ACO2: variants seen among roughly 807,000 people sequenced by gnomAD.
The protein encoded by ACO2 is aconitase 2.
ACO2 carries 31 observed loss-of-function variants against 84.5 expected under a neutral mutation model. That is an observed-to-expected ratio of 0.37 (90% CI 0.28 to 0.50). The LOEUF is 0.50. ACO2 is among the 20% of genes least tolerant of loss of function. The pLI is 0.97. For synonymous variants in ACO2, 414 were observed against 412.7 expected (o/e 1.00, Z -0.04); for missense variants, 685 against 1,029.3 (o/e 0.67, Z 4.58).
At chr22:41,475,696 C>T (rs1201060271) in intron 1 of ACO2, among the ~76,000 whole-genome samples, 1 of 151,498 alleles carries the variant, frequency 6.6e-6, no homozygotes, top group African/African-American at 2.4e-5. Context: ...AGTTCGAGAC[C>T]AGCCTGGCCA....
chr22:41,473,255 A>G (rs1005938449), intron 1 of ACO2, among the ~76,000 whole-genome samples: 1 of 152,230 alleles, frequency 6.6e-6, no homozygotes, highest in Admixed American at 6.5e-5. Context: ...CTGTAATTCC[A>G]GCACATTGGG....
At position 41,522,026 on chromosome 22, in the gene ACO2, G is replaced by T. The variant is rs191267111; in HGVS notation, c.1139-804G>T. Reference sequence around the variant, plus strand: ...GACCTCAAGTGATCTGCCTGCCTCGGCCTCTCAAAGTTGTGGGATTACAGG... The same window carrying T: ...GACCTCAAGTGATCTGCCTGCCTCGTCCTCTCAAAGTTGTGGGATTACAGG... On this transcript the variant is annotated intron_variant, in intron 9 of 17. Transcript: ENST00000216254. Among the ~76,000 whole-genome samples, 1,198 of 152,294 alleles carry T rather than the reference G, an allele frequency of 7.9e-3. 7 individuals are homozygous for T. Among genetic ancestry groups the T allele is most frequent in the Middle Eastern group, 0.024 (7 of 294 alleles).
At chr22:41,522,240 G>A (rs1007771618) in intron 9 of ACO2, among the ~76,000 whole-genome samples, 1 of 152,198 alleles carries the variant, frequency 6.6e-6, no homozygotes, top group African/African-American at 2.4e-5. Flanking sequence ...AGTTGAGGCA[G>A]GAGGAGTTGC....
At chr22:41,486,953 G>A (rs1313527524) in intron 1 of ACO2, among the ~76,000 whole-genome samples, 2 of 150,696 alleles carry the variant, frequency 1.3e-5, no homozygotes, top group Non-Finnish European at 3.0e-5. Context: ...GCGCCATCTC[G>A]GCTCACTGTA....
rs1011845712 is a variant in ACO2 at position 41,502,623 on chromosome 22, GTT to G, written c.173+2764_173+2765del. 6.6e-5 allele frequency among the ~76,000 whole-genome samples: 10 copies of G among 152,250 alleles called. No individual in the cohort carries two copies. The South Asian group carries it at 1.0e-3, about 16-fold the overall frequency. On this transcript the variant is annotated intron_variant, in intron 2 of 17. Transcript: ENST00000216254. ...TTTGTTGTTGTTTGTGTTTGTTTCTGTTTTAGACTGAGCCTCACTCTGTCACC... is the reference window on the plus strand; with the variant it reads ...TTTGTTGTTGTTTGTGTTTGTTTCTGTTAGACTGAGCCTCACTCTGTCACC...
Position 41,515,586 on chromosome 22 carries a change from T to A in ACO2, c.684+51T>A. On this transcript the variant is annotated intron_variant, in intron 5 of 17. Coordinates refer to ENST00000216254, the MANE Select transcript of ACO2 (RefSeq NM_001098.3). This position sits in a 1 kb window ranked among gnomAD's most constrained non-coding sequence, Gnocchi z 5.8. ...GGGCTGGCTGTGGGGTGGTGGTTGGTGGGGATGAACGGGAGACGGTGGGAC... is the reference window on the plus strand; with the variant it reads ...GGGCTGGCTGTGGGGTGGTGGTTGGAGGGGATGAACGGGAGACGGTGGGAC... 1 of 1,582,090 alleles carries A rather than the reference T, an allele frequency of 6.3e-7. No homozygotes were observed. Among genetic ancestry groups the A allele is most frequent in the Non-Finnish European group, 8.6e-7 (1 of 1,162,844 alleles).
chr22:41,526,794 C>T, intron 15 of ACO2: 1 of 334,968 alleles, frequency 3.0e-6, no homozygotes, highest in Non-Finnish European at 5.5e-6. Flanking sequence ...AGTGAGCAGG[C>T]AGAGAGGGTC....
Position 41,495,129 on chromosome 22 carries a change from T to A in ACO2, c.37-4597T>A, listed in dbSNP as rs529372163. ...GCAGTCTGGAACTCATGGGCTCAAGTGACCCTCCTGCCTCAGCCTCTTGAG... is the reference window on the plus strand; with the variant it reads ...GCAGTCTGGAACTCATGGGCTCAAGAGACCCTCCTGCCTCAGCCTCTTGAG... On this transcript the variant is annotated intron_variant, in intron 1 of 17. Transcript: ENST00000216254. Among the ~76,000 whole-genome samples, 3 of 151,968 alleles carry A rather than the reference T, an allele frequency of 2.0e-5. No homozygotes were observed. In the South Asian group the frequency reaches 6.3e-4, roughly 32 times the overall value.
intron 1 of ACO2, among the ~76,000 whole-genome samples, chr22:41,492,396 G>C (rs898128832): frequency 1.3e-5 from 2 of 152,116 alleles, no homozygotes; most frequent in Admixed American, 6.6e-5. Flanking sequence ...CTGCACTTTG[G>C]GAGGCCGAGG....
chr22:41,476,322 G>A (rs759028801), intron 1 of ACO2, among the ~76,000 whole-genome samples: 4 of 150,772 alleles, frequency 2.7e-5, no homozygotes, highest in African/African-American at 7.3e-5. Flanking sequence ...CAGGAGAATC[G>A]TTTGAACCTG....
chr22:41,513,962 T>G (rs2066457007), intron 4 of ACO2, among the ~76,000 whole-genome samples: 1 of 152,190 alleles, frequency 6.6e-6, no homozygotes, highest in South Asian at 2.1e-4. Context: ...CACAAGTGTC[T>G]ACACCGTGTA....
chr22:41,490,565 T>G (rs1192352245), intron 1 of ACO2, among the ~76,000 whole-genome samples: 1 of 152,234 alleles, frequency 6.6e-6, no homozygotes, highest in Non-Finnish European at 1.5e-5. Context: ...TACCTTTGCC[T>G]GTCTCTCTGC....
intron 2 of ACO2, among the ~76,000 whole-genome samples, chr22:41,503,682 G>C (rs2066370641): frequency 6.6e-6 from 1 of 152,164 alleles, no homozygotes. Flanking sequence ...GTGGGGGGTG[G>C]TCAGTTTTGT....
chr22:41,491,847 C>T (rs560303875), intron 1 of ACO2, among the ~76,000 whole-genome samples: 3 of 152,310 alleles, frequency 2.0e-5, no homozygotes, highest in Non-Finnish European at 4.4e-5. Flanking sequence ...TCCCCAGGGT[C>T]ACAGCAGTTA....
chr22:41,488,668 C>A (rs1198865861), intron 1 of ACO2, among the ~76,000 whole-genome samples: 1 of 152,172 alleles, frequency 6.6e-6, no homozygotes, highest in Non-Finnish European at 1.5e-5. Context: ...CCTGCATGTA[C>A]ATGAAGGTGA....
At chr22:41,498,305 C>T (rs113485784) in intron 1 of ACO2, among the ~76,000 whole-genome samples, 5 of 151,856 alleles carry the variant, frequency 3.3e-5, no homozygotes, top group African/African-American at 1.2e-4. Flanking sequence ...GAACAAGACA[C>T]TATCTCTTAA....
chr22:41,511,144 G>A (rs2413647), intron 3 of ACO2, among the ~76,000 whole-genome samples: 27,170 of 151,876 alleles, frequency 0.18, 3,437 homozygotes, highest in Admixed American at 0.38. Flanking sequence ...AGCTGGGACC[G>A]CAGGTGCACA....
intron 8 of ACO2, among the ~76,000 whole-genome samples, chr22:41,519,475 T>A (rs1055174595): frequency 1.3e-5 from 2 of 152,138 alleles, no homozygotes; most frequent in Non-Finnish European, 2.9e-5. Context: ...ATGATTATGA[T>A]ATGTAAAGCG....
intron 1 of ACO2, among the ~76,000 whole-genome samples, chr22:41,485,897 T>C (rs1355478247): frequency 6.6e-5 from 10 of 152,050 alleles, no homozygotes; most frequent in African/African-American, 2.2e-4. Flanking sequence ...TCCTGCTTTG[T>C]CTTTTACACC....
Sources: allele counts gnomAD v4.1 joint callset (sites outside exome capture counted in the v4.1 genomes callset), GRCh38; gene constraint gnomAD v4.1.1; non-coding constraint Gnocchi (gnomAD v3.1); transcripts MANE v1.5; gene names NCBI Gene and HGNC (gene_info 2026-07-23, HGNC 2026-07-21).